Variants in PPP1R14C observed in about 807,000 individuals in gnomAD.
PPP1R14C encodes protein phosphatase 1 regulatory inhibitor subunit 14C.
Under a neutral mutation model 20.4 loss-of-function variants are expected in PPP1R14C, and 16 were observed. That is an observed-to-expected ratio of 0.78 (90% CI 0.53 to 1.19). The LOEUF is 1.19. Among genes scored for constraint, PPP1R14C ranks in the 50% most tolerant of loss-of-function variants. The pLI, the probability that PPP1R14C is intolerant of heterozygous loss-of-function variation, is 0.00. For missense variants in PPP1R14C, 211 were observed against 220.1 expected (o/e 0.96, Z 0.26); for synonymous variants, 91 against 91.0 (o/e 1.00, Z 0.00).
intron 1 of PPP1R14C, among the ~76,000 whole-genome samples, chr6:150,178,694 C>A (rs1777589217): frequency 6.6e-6 from 1 of 152,184 alleles, no homozygotes; most frequent in Non-Finnish European, 1.5e-5. Context: ...TAAAATACTG[C>A]ATCAGAAATA....
chr6:150,216,983 A>T (rs1162950125), intron 3 of PPP1R14C, 127 bp downstream of exon 3: 1 of 657,172 alleles, frequency 1.5e-6, no homozygotes, highest in African/African-American at 1.9e-5. Flanking sequence ...ATTATTATCC[A>T]TGAGTGCATA....
intron 1 of PPP1R14C, among the ~76,000 whole-genome samples, chr6:150,186,242 G>A (rs1262624998): frequency 6.6e-6 from 1 of 152,128 alleles, no homozygotes; most frequent in African/African-American, 2.4e-5. Context: ...TAGCAAACAG[G>A]CGGTTCCTCT....
intron 1 of PPP1R14C, among the ~76,000 whole-genome samples, chr6:150,151,233 C>A (rs1273055097): frequency 6.6e-6 from 1 of 152,180 alleles, no homozygotes; most frequent in East Asian, 1.9e-4. Context: ...AGAGAAACCT[C>A]ATATTCAACT....
chr6:150,213,290 A>G (rs1349975304), intron 1 of PPP1R14C, among the ~76,000 whole-genome samples: 7 of 152,034 alleles, frequency 4.6e-5, no homozygotes, highest in African/African-American at 1.7e-4. Flanking sequence ...CAGCGAGGAT[A>G]GTGTATCATA....
intron 1 of PPP1R14C, among the ~76,000 whole-genome samples, chr6:150,189,543 A>G (rs1582910070): frequency 9.3e-6 from 1 of 107,876 alleles, no homozygotes; most frequent in Admixed American, 9.5e-5. Flanking sequence ...TTTGGAAAAC[A>G]TTCTGCTTTT....
intron 1 of PPP1R14C, among the ~76,000 whole-genome samples, chr6:150,148,287 A>G (rs1451667852): frequency 6.6e-6 from 1 of 151,138 alleles, no homozygotes; most frequent in African/African-American, 2.4e-5. Flanking sequence ...AATCAGGCAC[A>G]GGGAAGTTAA....
At chr6:150,160,894 T>C (rs901345503) in intron 1 of PPP1R14C, among the ~76,000 whole-genome samples, 3 of 152,304 alleles carry the variant, frequency 2.0e-5, no homozygotes, top group Non-Finnish European at 2.9e-5. Context: ...TACAAAATAC[T>C]CTAGGCTTAT....
At chr6:150,191,728 T>C (rs1777748462) in intron 1 of PPP1R14C, among the ~76,000 whole-genome samples, 1 of 152,244 alleles carries the variant, frequency 6.6e-6, no homozygotes, top group South Asian at 2.1e-4. Context: ...TGGTAGTGGA[T>C]GTTTGCTATT....
chr6:150,212,239 T>C (rs2114908313), intron 1 of PPP1R14C, among the ~76,000 whole-genome samples: 1 of 152,370 alleles, frequency 6.6e-6, no homozygotes, highest in South Asian at 2.1e-4. Context: ...GTGTAGCTAT[T>C]GAGCACTTGA....
intron 1 of PPP1R14C, among the ~76,000 whole-genome samples, chr6:150,167,940 T>TCTGTTCTCCCCTTCTCTCCTCC (rs1777442031): frequency 9.0e-4 from 1 of 1,112 alleles, no homozygotes; most frequent in African/African-American, 3.6e-3. Flanking sequence ...TCTCCATGTC[T>TCTGTTCTCCCCTTCTCTCCTCC]CCGTTCTCCC....
intron 1 of PPP1R14C, among the ~76,000 whole-genome samples, chr6:150,162,251 C>T (rs556818985): frequency 2.0e-5 from 3 of 152,232 alleles, no homozygotes; most frequent in Non-Finnish European, 2.9e-5. Flanking sequence ...GACGGGGTTT[C>T]GCCATGTTGG....
chr6:150,225,673 A>G (rs937896359), intron 3 of PPP1R14C, among the ~76,000 whole-genome samples: 1 of 152,216 alleles, frequency 6.6e-6, no homozygotes, highest in Non-Finnish European at 1.5e-5. Flanking sequence ...AATCTTCACA[A>G]CAAAGCTAAT....
intron 3 of PPP1R14C, among the ~76,000 whole-genome samples, chr6:150,238,707 C>G (rs73011630): frequency 0.045 from 6,825 of 152,370 alleles, 181 homozygotes; most frequent in Non-Finnish European, 0.056. Flanking sequence ...TGCATCTCAG[C>G]ACTTGAGTAG....
At chr6:150,222,821 G>C (rs1332259553) in intron 3 of PPP1R14C, among the ~76,000 whole-genome samples, 3 of 129,178 alleles carry the variant, frequency 2.3e-5, no homozygotes, top group Non-Finnish European at 3.1e-5. Context: ...TCTCAGGCTG[G>C]AATGCAGTGG....
chr6:150,205,764 C>T (rs1470329728), intron 1 of PPP1R14C, among the ~76,000 whole-genome samples: 1 of 150,214 alleles, frequency 6.7e-6, no homozygotes, highest in African/African-American at 2.5e-5. Context: ...TACACTCCAT[C>T]CTGGGCGACA....
At chr6:150,241,357 C>T (rs530785337) in intron 3 of PPP1R14C, among the ~76,000 whole-genome samples, 31 of 152,174 alleles carry the variant, frequency 2.0e-4, no homozygotes, top group Non-Finnish European at 4.1e-4. Flanking sequence ...TATCCTTTAT[C>T]ACATCCTTTA....
At chr6:150,223,637 A>G (rs1351175663) in intron 3 of PPP1R14C, among the ~76,000 whole-genome samples, 2 of 152,148 alleles carry the variant, frequency 1.3e-5, no homozygotes, top group African/African-American at 4.8e-5. Flanking sequence ...TGTCATCTAT[A>G]TAACTATAGA....
At chr6:150,171,893 C>T (rs1049275866) in intron 1 of PPP1R14C, among the ~76,000 whole-genome samples, 2 of 152,084 alleles carry the variant, frequency 1.3e-5, no homozygotes, top group Admixed American at 6.6e-5. Flanking sequence ...GCAACCTCTG[C>T]CTCCCGGGTT....
At chr6:150,225,181 A>G (rs942332523) in intron 3 of PPP1R14C, among the ~76,000 whole-genome samples, 1 of 152,176 alleles carries the variant, frequency 6.6e-6, no homozygotes, top group African/African-American at 2.4e-5. Flanking sequence ...AAAAAGAAGA[A>G]GAACAGAATG....
Sources: gnomAD v4.1 joint callset for allele counts (sites outside exome capture counted in the v4.1 genomes callset) on GRCh38, gnomAD v4.1.1 for gene constraint, MANE v1.5 for transcripts, NCBI Gene and HGNC (gene_info 2026-07-23, HGNC 2026-07-21) for gene names.